BMP5: variants seen among roughly 807,000 people sequenced by gnomAD.
BMP5 encodes the protein bone morphogenetic protein 5.
A neutral mutation model predicts 46.6 loss-of-function variants in BMP5; 23 were observed. That is an observed-to-expected ratio of 0.49 (90% CI 0.35 to 0.70). The LOEUF is 0.70. Among genes scored for constraint, BMP5 ranks in the 30% least tolerant of loss-of-function variants. The pLI, the probability that BMP5 is intolerant of heterozygous loss-of-function variation, is 0.00. For synonymous variants in BMP5, 204 were observed against 191.9 expected (o/e 1.06, Z -0.52); for missense variants, 545 against 565.6 (o/e 0.96, Z 0.37).
intron 1 of BMP5, among the ~76,000 whole-genome samples, chr6:55,829,258 A>G (rs1264642697): frequency 6.6e-6 from 1 of 151,794 alleles, no homozygotes; most frequent in Non-Finnish European, 1.5e-5. Flanking sequence ...TTACTACCGT[A>G]CACTCTTCCT....
chr6:55,868,172 T>C (rs548686399), intron 1 of BMP5, among the ~76,000 whole-genome samples: 68 of 152,314 alleles, frequency 4.5e-4, no homozygotes, highest in African/African-American at 1.5e-3. Flanking sequence ...ACATGTGTTA[T>C]AGTCCTGAAT....
chr6:55,793,204 T>C (rs1775616336), intron 3 of BMP5, among the ~76,000 whole-genome samples: 1 of 152,142 alleles, frequency 6.6e-6, no homozygotes, highest in South Asian at 2.1e-4. Flanking sequence ...TCCTGAGCCT[T>C]CTGAGCAAAT....
At chr6:55,821,750 C>T (rs1434253335) in intron 1 of BMP5, among the ~76,000 whole-genome samples, 1 of 152,240 alleles carries the variant, frequency 6.6e-6, no homozygotes, top group East Asian at 1.9e-4. Flanking sequence ...GCAGACTGCA[C>T]ACTCCTCCTT....
intron 3 of BMP5, among the ~76,000 whole-genome samples, chr6:55,777,336 T>C (rs997275794): frequency 5.3e-5 from 8 of 151,972 alleles, no homozygotes; most frequent in African/African-American, 1.9e-4. Flanking sequence ...AAACATACAG[T>C]ATGTTTTAGA....
intron 1 of BMP5, among the ~76,000 whole-genome samples, chr6:55,853,222 T>C (rs1295247087): frequency 1.4e-5 from 2 of 146,482 alleles, no homozygotes; most frequent in Non-Finnish European, 3.0e-5. Context: ...TAAAATAAGA[T>C]AAAATACAAT....
chr6:55,862,416 T>A (rs1777544316), intron 1 of BMP5, among the ~76,000 whole-genome samples: 1 of 152,196 alleles, frequency 6.6e-6, no homozygotes, highest in African/African-American at 2.4e-5. Context: ...AATTTATAAT[T>A]GTATCTCCAT....
At chr6:55,791,573 G>A (rs1226489112) in intron 3 of BMP5, among the ~76,000 whole-genome samples, 1 of 151,992 alleles carries the variant, frequency 6.6e-6, no homozygotes, top group Non-Finnish European at 1.5e-5. Flanking sequence ...TGTAATATAA[G>A]AGAAAATTAA....
At chr6:55,813,571 C>G (rs995392314) in intron 2 of BMP5, among the ~76,000 whole-genome samples, 3 of 151,902 alleles carry the variant, frequency 2.0e-5, no homozygotes, top group African/African-American at 7.3e-5. Context: ...GGGCGGATCA[C>G]GAGGTCAGGA....
chr6:55,791,392 G>A lies in BMP5; in HGVS notation c.832+2887C>T, dbSNP rs138808156. Among the ~76,000 whole-genome samples, 794 of 152,174 alleles carry A rather than the reference G, an allele frequency of 5.2e-3. 6 individuals are homozygous for A. Among genetic ancestry groups the A allele is most frequent in the African/African-American group, 0.018 (747 of 41,526 alleles). On this transcript the variant is annotated intron_variant, in intron 3 of 6. Transcript: ENST00000370830. Reference sequence around the variant, plus strand: ...GCTAGCCTAGCATGTTTAACCATTTGAAAATTCTTCAAATTAGACAATATC... The same window carrying A: ...GCTAGCCTAGCATGTTTAACCATTTAAAAATTCTTCAAATTAGACAATATC...
chr6:55,798,305 ATAATAC>A (rs1254852654), intron 2 of BMP5, among the ~76,000 whole-genome samples: 1 of 152,208 alleles, frequency 6.6e-6, no homozygotes, highest in African/African-American at 2.4e-5. Flanking sequence ...AATTCAACCC[ATAATAC>A]TAATACTAAT....
At chr6:55,819,264 GA>G (rs1213477517) in intron 2 of BMP5, among the ~76,000 whole-genome samples, 2 of 152,214 alleles carry the variant, frequency 1.3e-5, no homozygotes, top group South Asian at 4.2e-4. Flanking sequence ...TCATGTCAGT[GA>G]AAAGTAAAGC....
intron 1 of BMP5, among the ~76,000 whole-genome samples, chr6:55,836,740 C>G (rs1169569933): frequency 1.3e-5 from 2 of 151,916 alleles, no homozygotes; most frequent in Non-Finnish European, 2.9e-5. Context: ...CTAACATATT[C>G]CAGAGTGCTG....
At chr6:55,838,494 G>T (rs1937221219) in intron 1 of BMP5, among the ~76,000 whole-genome samples, 1 of 151,942 alleles carries the variant, frequency 6.6e-6, no homozygotes, top group African/African-American at 2.4e-5. Context: ...TAAATTATTA[G>T]ATTTTTTCCT....
intron 1 of BMP5, among the ~76,000 whole-genome samples, chr6:55,872,788 A>G (rs1398018921): frequency 6.6e-6 from 1 of 151,808 alleles, no homozygotes; most frequent in Non-Finnish European, 1.5e-5. Flanking sequence ...GAATATATAA[A>G]TTTTGCTAGG....
At chr6:55,871,541 C>T (rs543561701) in intron 1 of BMP5, among the ~76,000 whole-genome samples, 2 of 151,836 alleles carry the variant, frequency 1.3e-5, no homozygotes, top group African/African-American at 4.8e-5. Flanking sequence ...TTTTATTTTG[C>T]TTTTAGTAAA....
At chr6:55,838,039 ATT>A (rs1227636649) in intron 1 of BMP5, among the ~76,000 whole-genome samples, 2 of 152,144 alleles carry the variant, frequency 1.3e-5, no homozygotes, top group African/African-American at 4.8e-5. Flanking sequence ...ATGTTTCACA[ATT>A]TCTTCATCCA....
intron 1 of BMP5, among the ~76,000 whole-genome samples, chr6:55,867,343 A>C (rs1176219278): frequency 6.6e-6 from 1 of 152,206 alleles, no homozygotes; most frequent in East Asian, 1.9e-4. Context: ...AGGAGTAGTG[A>C]AGGCTACCCT....
rs567909339 is a variant in BMP5, at chr6:55,866,664, G to A, written c.490+7712C>T. Among the ~76,000 whole-genome samples, 3 of 152,268 alleles carry A rather than the reference G, an allele frequency of 2.0e-5. No homozygotes were observed. In the South Asian group the frequency reaches 6.2e-4, roughly 32 times the overall value. On this transcript the variant is annotated intron_variant, in intron 1 of 6. Transcript: ENST00000370830. Reference sequence around the variant, plus strand: ...TTTTCATTGGCAATTGCAGTCCGCAGTTCATATTGTGATCTGAAAGTGCTG... The same window carrying A: ...TTTTCATTGGCAATTGCAGTCCGCAATTCATATTGTGATCTGAAAGTGCTG...
chr6:55,755,281 A>AAATTATACT lies in BMP5; in HGVS notation c.*243_*251dup, dbSNP rs2127513466. 1 of 351,714 alleles carries AAATTATACT rather than the reference A, an allele frequency of 2.8e-6. No individual in the cohort carries two copies. Among genetic ancestry groups the AAATTATACT allele is most frequent in the South Asian group, 4.6e-5 (1 of 21,656 alleles). The allele number at this position is 351,714 out of a possible 1,614,324, so 21.8% of individuals were successfully genotyped here. On this transcript the variant is annotated 3_prime_UTR_variant, in exon 7 of 7. Coordinates refer to ENST00000370830, the MANE Select transcript of BMP5 (RefSeq NM_021073.4). ...GAATGGACTCAGCATAACCCATTGA[A>AAATTATACT]AATTATACTAGATGATCTATTGTAT...
Sources: gnomAD v4.1 joint callset for allele counts (sites outside exome capture counted in the v4.1 genomes callset) on GRCh38, gnomAD v4.1.1 for gene constraint, MANE v1.5 for transcripts, NCBI Gene and HGNC (gene_info 2026-07-23, HGNC 2026-07-21) for gene names.